Variants in GLI2 observed in about 807,000 individuals in gnomAD.
The protein encoded by GLI2 is GLI family zinc finger 2, also known as transcription activator GLI2.
Under a neutral mutation model 78.9 loss-of-function variants are expected in GLI2, and 22 were observed. That is an observed-to-expected ratio of 0.28 (90% CI 0.20 to 0.40). GLI2 has a LOEUF of 0.40. Ranked by LOEUF, GLI2 falls within the 10% of genes least tolerant of loss-of-function variation. GLI2 has a pLI of 1.00. For missense variants in GLI2, 2,097 were observed against 2,213.2 expected, an observed-to-expected ratio of 0.95 and a Z score of 1.05; for synonymous variants, 974 against 963.7, an observed-to-expected ratio of 1.01 and a Z score of -0.20.
chr2:120,897,129 A>G (rs539430894), intron 2 of GLI2, among the ~76,000 whole-genome samples: 1 of 152,266 alleles, frequency 6.6e-6, no homozygotes, highest in African/African-American at 2.4e-5. Context: ...CCCCACTGAC[A>G]CGCTCCAGCC....
intron 2 of GLI2, among the ~76,000 whole-genome samples, chr2:120,918,133 A>T (rs1251976465): frequency 6.6e-6 from 1 of 152,226 alleles, no homozygotes; most frequent in East Asian, 1.9e-4. Flanking sequence ...CGTGGATTCC[A>T]GAGACAGCTG....
At chr2:120,848,588 C>T (rs975103054) in intron 2 of GLI2, among the ~76,000 whole-genome samples, 2 of 152,150 alleles carry the variant, frequency 1.3e-5, no homozygotes. Context: ...GAAGGAGACC[C>T]TGGGGAGGGA....
intron 2 of GLI2, among the ~76,000 whole-genome samples, chr2:120,901,324 G>A (rs780717316): frequency 1.3e-4 from 20 of 152,144 alleles, no homozygotes; most frequent in Non-Finnish European, 2.6e-4. Context: ...GGATACAATT[G>A]GGTTCTTAAA....
At chr2:120,781,078 TC>T (rs983144748) in intron 1 of GLI2, among the ~76,000 whole-genome samples, 2 of 152,176 alleles carry the variant, frequency 1.3e-5, no homozygotes, top group African/African-American at 4.8e-5. Flanking sequence ...TTCACCTTGC[TC>T]CATAGTCTAT....
rs960750545 is a variant in GLI2, at chr2:120,745,560, C to A, written c.-31+9275C>A. On this transcript the variant is annotated intron_variant, in intron 1 of 13. Transcript: ENST00000361492. ...TTAGGGGCCTAGGAACAGACTTTTC[C>A]TTTCACTACTGTCCTGCAGGCCTTG... is the stretch of plus-strand genomic sequence containing the variant. Among the ~76,000 whole-genome samples, 26 of 152,290 alleles carry A rather than the reference C, an allele frequency of 1.7e-4. No individual in the cohort carries two copies. In the East Asian group the frequency reaches 5.0e-3, roughly 29 times the overall value.
At chr2:120,859,452 CTTTTTTTTTTTT>C (rs57311162) in intron 2 of GLI2, among the ~76,000 whole-genome samples, 2 of 125,486 alleles carry the variant, frequency 1.6e-5, no homozygotes, top group Non-Finnish European at 3.3e-5. Context: ...ATACTCCCTC[CTTTTTTTTTTTT>C]TTTTTTTTTT....
intron 1 of GLI2, among the ~76,000 whole-genome samples, chr2:120,751,178 C>T (rs973054005): frequency 1.6e-4 from 24 of 152,252 alleles, no homozygotes; most frequent in African/African-American, 5.5e-4. Context: ...GGATCCCTTG[C>T]CCAAAATTGG....
chr2:120,892,550 C>T (rs1034348303), intron 2 of GLI2, among the ~76,000 whole-genome samples: 3 of 152,194 alleles, frequency 2.0e-5, no homozygotes, highest in African/African-American at 7.2e-5. Context: ...CCTCTCCTGC[C>T]GCCACCTCCT....
chr2:120,754,277 C>G (rs1166092154), intron 1 of GLI2, among the ~76,000 whole-genome samples: 1 of 152,104 alleles, frequency 6.6e-6, no homozygotes, highest in Non-Finnish European at 1.5e-5. Flanking sequence ...CCTTGCCAAT[C>G]TGATAGTTGG....
chr2:120,778,422 C>T (rs1412368814), intron 1 of GLI2, among the ~76,000 whole-genome samples: 1 of 152,212 alleles, frequency 6.6e-6, no homozygotes, highest in Non-Finnish European at 1.5e-5. Context: ...CACCCACACA[C>T]AGCCAGAGAA....
chr2:120,871,200 G>A (rs1558846133), intron 2 of GLI2, among the ~76,000 whole-genome samples: 1 of 152,186 alleles, frequency 6.6e-6, no homozygotes, highest in Non-Finnish European at 1.5e-5. Flanking sequence ...AGCCAGGTTG[G>A]CCTGTGCTCC....
intron 2 of GLI2, among the ~76,000 whole-genome samples, chr2:120,806,727 C>T (rs973399918): frequency 1.3e-5 from 2 of 152,180 alleles, no homozygotes; most frequent in Non-Finnish European, 2.9e-5. Context: ...GGGTGCAGGC[C>T]GAGGTCCCGG....
chr2:120,884,865 G>A (rs762207117), intron 2 of GLI2, among the ~76,000 whole-genome samples: 8 of 152,120 alleles, frequency 5.3e-5, no homozygotes, highest in Non-Finnish European at 1.2e-4. Context: ...CCCCTGGGCC[G>A]GAAGGTGGGG....
chr2:120,954,865 T>C (rs4848663), intron 4 of GLI2, among the ~76,000 whole-genome samples: 120,610 of 152,152 alleles, frequency 0.79, 52,392 homozygotes, highest in East Asian at 1. Context: ...CGCGTGCCGC[T>C]GAAGTGCCTC....
intron 1 of GLI2, among the ~76,000 whole-genome samples, chr2:120,768,210 G>A (rs1452753183): frequency 6.6e-6 from 1 of 152,246 alleles, no homozygotes; most frequent in African/African-American, 2.4e-5. Flanking sequence ...GCCAGGCCCT[G>A]TGCTCAGAGC....
At chr2:120,830,983 C>CA (rs779200183) in intron 2 of GLI2, among the ~76,000 whole-genome samples, 26 of 138,060 alleles carry the variant, frequency 1.9e-4, no homozygotes, top group African/African-American at 4.8e-4. Context: ...CTCTCTGTCT[C>CA]TTTTTTTTTT....
intron 1 of GLI2, among the ~76,000 whole-genome samples, chr2:120,779,890 G>C (rs1683787013): frequency 6.6e-6 from 1 of 152,130 alleles, no homozygotes; most frequent in Non-Finnish European, 1.5e-5. Context: ...CTGAGCTGTG[G>C]CAGCTTAGAG....
chr2:120,789,850 C>T lies in GLI2; in HGVS notation c.-30-7441C>T, dbSNP rs146053275. Among the ~76,000 whole-genome samples the T allele has an allele frequency of 4.3e-3, 655 of 152,374 alleles. 1 individual carries two copies. Among genetic ancestry groups the T allele is most frequent in the Non-Finnish European group, 6.8e-3 (462 of 68,040 alleles). Reference sequence around the variant, plus strand: ...TGACTTCGGGGAGCTTACTTATCCTCTCTGGGCCTCTGATTTTAAGTGAAA... The same window carrying T: ...TGACTTCGGGGAGCTTACTTATCCTTTCTGGGCCTCTGATTTTAAGTGAAA... On this transcript the variant is annotated intron_variant, in intron 1 of 13. Coordinates refer to ENST00000361492, the MANE Select transcript of GLI2 (RefSeq NM_001374353.1).
chr2:120,754,045 GAT>G (rs1357374721), intron 1 of GLI2, among the ~76,000 whole-genome samples: 1 of 152,110 alleles, frequency 6.6e-6, no homozygotes, highest in Non-Finnish European at 1.5e-5. Context: ...GTGTTATGTG[GAT>G]ATATTGCGTA....
Sources: allele counts gnomAD v4.1 joint callset (sites outside exome capture counted in the v4.1 genomes callset), GRCh38; gene constraint gnomAD v4.1.1; transcripts MANE v1.5; gene names NCBI Gene and HGNC (gene_info 2026-07-23, HGNC 2026-07-21).